Variants in RTN4RL2 observed in about 807,000 individuals in gnomAD.
RTN4RL2 encodes the protein reticulon-4 receptor-like 2.
RTN4RL2 carries 9 observed loss-of-function variants against 27.8 expected under a neutral mutation model. The observed-to-expected ratio is 0.32, with a 90% CI of 0.20 to 0.57. RTN4RL2 has a LOEUF of 0.57. RTN4RL2 is among the 20% of genes least tolerant of loss of function. RTN4RL2 has a pLI of 0.90. For missense variants in RTN4RL2, 436 were observed against 596.8 expected, an observed-to-expected ratio of 0.73 and a Z score of 2.81; for synonymous variants, 285 against 297.9, an observed-to-expected ratio of 0.96 and a Z score of 0.45.
At chr11:57,466,226 C>T (rs1943523347) in intron 1 of RTN4RL2, among the ~76,000 whole-genome samples, 1 of 151,806 alleles carries the variant, frequency 6.6e-6, no homozygotes. Flanking sequence ...AGGATGGTCT[C>T]GATCTCCTGA....
At chr11:57,464,845 G>T (rs1377047033) in intron 1 of RTN4RL2, among the ~76,000 whole-genome samples, 1 of 152,200 alleles carries the variant, frequency 6.6e-6, no homozygotes, top group African/African-American at 2.4e-5. Flanking sequence ...ACCCCACGTG[G>T]GTCTAAGAAA....
intron 1 of RTN4RL2, among the ~76,000 whole-genome samples, chr11:57,462,913 C>G (rs1351426913): frequency 6.6e-6 from 1 of 152,232 alleles, no homozygotes; most frequent in Non-Finnish European, 1.5e-5. Context: ...AGCTGGAGTC[C>G]CTTCCTTGCC....
At chr11:57,460,971 A>G in intron 1 of RTN4RL2, 75 bp downstream of exon 1, 1 of 789,992 alleles carries the variant, frequency 1.3e-6, no homozygotes, top group Non-Finnish European at 1.8e-6. Context: ...TCAGGGATTG[A>G]GGGTGGGGCA....
chr11:57,464,570 G>A (rs1943508026), intron 1 of RTN4RL2, among the ~76,000 whole-genome samples: 1 of 152,196 alleles, frequency 6.6e-6, no homozygotes, highest in Admixed American at 6.5e-5. Flanking sequence ...CCCTGGCTGG[G>A]CATCAAGAGA....
Position 57,476,612 on chromosome 11 carries a change from G to A in RTN4RL2, c.964G>A (p.Ala322Thr), listed in dbSNP as rs1943598113. Reference sequence around the variant, plus strand: ...GGCACCCACGCGGCCGGGCAGCCGCGCCCGCGGCAACAGCTCCTCCAACCA... The same window carrying A: ...GGCACCCACGCGGCCGGGCAGCCGCACCCGCGGCAACAGCTCCTCCAACCA... ...PAAPTRPGSR[A>T]RGNSSSNHLY... Residue 322 changes from alanine to threonine, a missense_variant, in exon 3 of 3, where the codon GCC becomes ACC. Ala to Thr is a moderately conservative substitution (Grantham distance 58). Coordinates refer to ENST00000335099, the MANE Select transcript of RTN4RL2 (RefSeq NM_178570.3). The surrounding 1 kb of genome is among the most constrained non-coding windows in gnomAD (Gnocchi z 8.2). 1.4e-6 allele frequency: 2 copies of A among 1,406,526 alleles called. No individual in the cohort carries two copies. Among genetic ancestry groups the A allele is most frequent in the Non-Finnish European group, 9.2e-7 (1 of 1,087,330 alleles). 87.1% of individuals were successfully genotyped at this position (1,406,526 alleles called of 1,614,324 possible). A position where few individuals can be genotyped will look rare whatever the true frequency, so the allele number is the denominator to read the frequency against.
At chr11:57,462,200 G>A (rs1465782370) in intron 1 of RTN4RL2, among the ~76,000 whole-genome samples, 1 of 152,080 alleles carries the variant, frequency 6.6e-6, no homozygotes, top group African/African-American at 2.4e-5. Flanking sequence ...CCGCCACCAC[G>A]GTGGCTGCTT....
chr11:57,463,606 C>T (rs1260857956), intron 1 of RTN4RL2, among the ~76,000 whole-genome samples: 3 of 152,018 alleles, frequency 2.0e-5, no homozygotes, highest in Non-Finnish European at 4.4e-5. Context: ...CCCTTTCCAG[C>T]TCTGATACTC....
rs759669453 is a variant in RTN4RL2, at chr11:57,476,927, C to G, written c.*16C>G. On this transcript the variant is annotated 3_prime_UTR_variant, in exon 3 of 3. Transcript: ENST00000335099. The surrounding 1 kb of genome is among the most constrained non-coding windows in gnomAD (Gnocchi z 8.2). ...CCACCTCTGACTGCGGTGCTGAGAT[C>G]GAAGAGGCCAGTGTCCGATCCCCGC... 1.9e-6 allele frequency: 3 copies of G among 1,549,332 alleles called. No individual in the cohort carries two copies. The highest frequency in any genetic ancestry group is 3.7e-5 in the Admixed American group (2 of 53,406).
intron 2 of RTN4RL2, among the ~76,000 whole-genome samples, chr11:57,473,760 G>A (rs950638686): frequency 6.6e-6 from 1 of 152,104 alleles, no homozygotes; most frequent in Non-Finnish European, 1.5e-5. Flanking sequence ...TGGACCCCAA[G>A]GCAGAGGCTC....
intron 2 of RTN4RL2, among the ~76,000 whole-genome samples, chr11:57,475,462 T>G (rs1943590200): frequency 6.6e-6 from 1 of 151,866 alleles, no homozygotes; most frequent in South Asian, 2.1e-4. Flanking sequence ...ATCCCCATTT[T>G]ACAGATGAGG....
chr11:57,460,972 G>C, intron 1 of RTN4RL2, 76 bp downstream of exon 1: 1 of 957,480 alleles, frequency 1.0e-6, no homozygotes, highest in Non-Finnish European at 1.4e-6. Context: ...CAGGGATTGA[G>C]GGTGGGGCAG....
chr11:57,468,681 C>T (rs1943543385), intron 2 of RTN4RL2: 28 of 1,536,080 alleles, frequency 1.8e-5, no homozygotes, highest in Middle Eastern at 1.7e-4. Flanking sequence ...CAGAAAGTTG[C>T]GCTTCTCTCC....
At chr11:57,468,958 C>T (rs185221736) in intron 2 of RTN4RL2, 2 of 699,358 alleles carry the variant, frequency 2.9e-6, no homozygotes, top group African/African-American at 3.5e-5. Context: ...AACACACCCT[C>T]CAAACCACCC....
rs1056638028 is a variant in RTN4RL2 at position 57,476,978 on chromosome 11, C to T, written c.*67C>T. 25 of 1,458,032 alleles carry T rather than the reference C, an allele frequency of 1.7e-5. No homozygotes were observed. The highest frequency in any genetic ancestry group is 2.3e-5 in the Non-Finnish European group (25 of 1,103,404). 90.3% of individuals were successfully genotyped at this position (1,458,032 alleles called of 1,614,324 possible). A position where few individuals can be genotyped will look rare whatever the true frequency, so the allele number is the denominator to read the frequency against. On this transcript the variant is annotated 3_prime_UTR_variant, in exon 3 of 3. Coordinates refer to ENST00000335099, the MANE Select transcript of RTN4RL2 (RefSeq NM_178570.3). The surrounding 1 kb of genome is among the most constrained non-coding windows in gnomAD (Gnocchi z 8.2). ...TTCCCGTCCACCCGGGGCTGCGGCT[C>T]CGGCCCCAGTCGCCCCACCTTCCCT...
At chr11:57,462,925 T>A (rs1178607070) in intron 1 of RTN4RL2, among the ~76,000 whole-genome samples, 1 of 152,206 alleles carries the variant, frequency 6.6e-6, no homozygotes, top group Non-Finnish European at 1.5e-5. Flanking sequence ...TTCCTTGCCT[T>A]GACCCTGAAT....
chr11:57,476,862 TC>T lies in RTN4RL2; in HGVS notation c.1218del (p.Ser407AlafsTer117). 1.3e-6 allele frequency: 2 copies of T among 1,573,664 alleles called. No individual in the cohort carries two copies. The highest frequency in any genetic ancestry group is 1.4e-5 in the African/African-American group (1 of 71,926). ...DSRGPALSAG[L>X]PSPLLCLLLL... ...CGAGGCCCTGCGCTCTCGGCCGGGC[TC>T]CCCAGCCCTCTGCTTTGCCTCCTGC... On this transcript the variant is annotated frameshift_variant, in exon 3 of 3. Transcript: ENST00000335099. LOFTEE classifies it high-confidence loss of function. This position sits in a 1 kb window ranked among gnomAD's most constrained non-coding sequence, Gnocchi z 8.2.
At position 57,470,227 on chromosome 11, in the gene RTN4RL2, G is replaced by A. The variant is rs55989871; in HGVS notation, c.513+2137G>A. On this transcript the variant is annotated intron_variant, in intron 2 of 2. Transcript: ENST00000335099. ...GTCTCCATTTCCTCATCTCTAAAAT[G>A]GCAATCAGGATAGTACTTAATAATA... Among the ~76,000 whole-genome samples, 1,229 of 152,228 alleles carry A rather than the reference G, an allele frequency of 8.1e-3. 5 individuals carry two copies. Among genetic ancestry groups the A allele is most frequent in the Non-Finnish European group, 0.014 (922 of 68,026 alleles).
At chr11:57,462,873 G>C (rs1284502162) in intron 1 of RTN4RL2, among the ~76,000 whole-genome samples, 2 of 152,182 alleles carry the variant, frequency 1.3e-5, no homozygotes, top group Non-Finnish European at 2.9e-5. Context: ...AACCGCAACT[G>C]GAAGCCTAGG....
At position 57,460,743 on chromosome 11, in the gene RTN4RL2, C is replaced by G. The variant is rs1306399430; in HGVS notation, c.-123C>G. 2.4e-6 allele frequency: 1 copy of G among 420,944 alleles called. No homozygotes were observed. The highest frequency in any genetic ancestry group is 3.8e-5 in the East Asian group (1 of 26,340). 26.1% of individuals were successfully genotyped at this position (420,944 alleles called of 1,614,324 possible). The stretch of plus-strand genomic sequence containing the variant: ...GGTAGAGCGCCGCGGCCCGGCCACG[C>G]AGCCCGGGGACTCCCGGGCCCTCCC... On this transcript the variant is annotated 5_prime_UTR_variant, in exon 1 of 3. Coordinates refer to ENST00000335099, the MANE Select transcript of RTN4RL2 (RefSeq NM_178570.3).
Sources: gnomAD v4.1 joint callset for allele counts (sites outside exome capture counted in the v4.1 genomes callset) on GRCh38, gnomAD v4.1.1 for gene constraint, Gnocchi (gnomAD v3.1) non-coding constraint, MANE v1.5 for transcripts, NCBI Gene and HGNC (gene_info 2026-07-23, HGNC 2026-07-21) for gene names.